ITGB8: variants seen among roughly 807,000 people sequenced by gnomAD.
ITGB8 encodes integrin subunit beta 8.
A neutral mutation model predicts 89.5 loss-of-function variants in ITGB8; 30 were observed. The observed-to-expected ratio is 0.34, with a 90% CI of 0.25 to 0.45. ITGB8 has a LOEUF of 0.45. Among genes scored for constraint, ITGB8 ranks in the 20% least tolerant of loss-of-function variants. The pLI is 1.00. For synonymous variants in ITGB8, 335 were observed against 320.4 expected, an observed-to-expected ratio of 1.05 and a Z score of -0.49; for missense variants, 836 against 933.3, an observed-to-expected ratio of 0.90 and a Z score of 1.36.
intron 3 of ITGB8, among the ~76,000 whole-genome samples, chr7:20,371,323 C>A (rs1404359644): frequency 1.3e-5 from 2 of 151,922 alleles, no homozygotes; most frequent in African/African-American, 4.8e-5. Flanking sequence ...AAAGATAAAG[C>A]AAAATTATCA....
chr7:20,363,879 T>C (rs1302402639), intron 2 of ITGB8, among the ~76,000 whole-genome samples, 157 bp downstream of exon 2: 2 of 152,220 alleles, frequency 1.3e-5, no homozygotes, highest in African/African-American at 4.8e-5. Context: ...GGAAACAGCA[T>C]ATCTGGCTGA....
chr7:20,394,767 G>A lies in ITGB8; in HGVS notation c.1057-129G>A, dbSNP rs776519957. Reference sequence around the variant, plus strand: ...ACTAGGTTGCTTATATTTTTCTTGTGTCTTATAGGTTTTCATTCATTTAAT... The same window carrying A: ...ACTAGGTTGCTTATATTTTTCTTGTATCTTATAGGTTTTCATTCATTTAAT... On this transcript the variant is annotated intron_variant, in intron 7 of 13. Coordinates refer to ENST00000222573, the MANE Select transcript of ITGB8 (RefSeq NM_002214.3). 18 of 661,126 alleles carry A rather than the reference G, an allele frequency of 2.7e-5. No individual in the cohort carries two copies. The Middle Eastern group carries it at 3.1e-3, about 113-fold the overall frequency. 41.0% of individuals were successfully genotyped at this position (661,126 alleles called of 1,614,324 possible). A position where few individuals can be genotyped will look rare whatever the true frequency, so the allele number is the denominator to read the frequency against.
At chr7:20,393,478 G>T (rs1786946380) in intron 7 of ITGB8, among the ~76,000 whole-genome samples, 1 of 152,124 alleles carries the variant, frequency 6.6e-6, no homozygotes, top group African/African-American at 2.4e-5. Context: ...CCATCTGGCT[G>T]CCAGAGTGAT....
intron 12 of ITGB8, among the ~76,000 whole-genome samples, chr7:20,406,424 C>T (rs989817559): frequency 2.6e-5 from 4 of 152,014 alleles, no homozygotes; most frequent in South Asian, 2.1e-4. Context: ...GTGGCGGGCA[C>T]CTGTAGTCCC....
At chr7:20,398,578 G>C (rs1368233944) in intron 8 of ITGB8, among the ~76,000 whole-genome samples, 1 of 152,128 alleles carries the variant, frequency 6.6e-6, no homozygotes, top group Non-Finnish European at 1.5e-5. Flanking sequence ...TTTGTTAACA[G>C]ACTGATAAAT....
intron 1 of ITGB8, among the ~76,000 whole-genome samples, chr7:20,338,854 CAT>C (rs1784659730): frequency 6.6e-6 from 1 of 152,108 alleles, no homozygotes; most frequent in Admixed American, 6.5e-5. Context: ...CAAATGTATG[CAT>C]AGTCTTAATT....
chr7:20,402,028 A>G lies in ITGB8; in HGVS notation c.1589A>G (p.Lys530Arg). ...CSGRGVCVCG[K>R]CSCHKIKLGK... ...GGTCGAGGAGTTTGTGTTTGTGGGA[A>G]ATGTTCATGTCACAAAATTAAGCTT... The change falls in exon 10 of 14, where the codon AAA (lysine) becomes AGA (arginine). Residue 530 changes from lysine to arginine, a missense_variant. Transcript: ENST00000222573. 6.2e-7 allele frequency: 1 copy of G among 1,614,172 alleles called. No individual in the cohort carries two copies. The highest frequency in any genetic ancestry group is 1.3e-5 in the African/African-American group (1 of 75,056).
chr7:20,388,802 A>G (rs1786737144), intron 6 of ITGB8, among the ~76,000 whole-genome samples: 1 of 151,904 alleles, frequency 6.6e-6, no homozygotes, highest in Admixed American at 6.6e-5. Context: ...CCAACCCCTG[A>G]CAGGCCCTGG....
chr7:20,372,522 CTTGAG>C (rs1464399634), intron 3 of ITGB8, among the ~76,000 whole-genome samples: 2 of 151,712 alleles, frequency 1.3e-5, no homozygotes, highest in African/African-American at 4.8e-5. Flanking sequence ...ACTGGGATGT[CTTGAG>C]TTGAGAGAGA....
intron 7 of ITGB8, among the ~76,000 whole-genome samples, chr7:20,393,277 A>G (rs552992051): frequency 6.6e-6 from 1 of 152,338 alleles, no homozygotes; most frequent in African/African-American, 2.4e-5. Flanking sequence ...TTAACTGATA[A>G]ACCATAAAAC....
rs985106588 is a variant in ITGB8, at chr7:20,332,312, A to G, written c.127+379A>G. Among the ~76,000 whole-genome samples, 3 of 152,202 alleles carry G rather than the reference A, an allele frequency of 2.0e-5. No homozygotes were observed. The East Asian group carries it at 5.8e-4, about 29-fold the overall frequency. On this transcript the variant is annotated intron_variant, in intron 1 of 13. Transcript: ENST00000222573. ...CCCTATCTTTCTAACATTTGGGTCCACTAAGGACTAACTTGCCTTTAACTC... is the reference window on the plus strand; with the variant it reads ...CCCTATCTTTCTAACATTTGGGTCCGCTAAGGACTAACTTGCCTTTAACTC...
At chr7:20,332,058 G>C in intron 1 of ITGB8, 125 bp downstream of exon 1, 2 of 1,469,548 alleles carry the variant, frequency 1.4e-6, no homozygotes, top group East Asian at 5.0e-5. Flanking sequence ...TCAAGGGGGC[G>C]GGTGCGGGGC....
chr7:20,336,490 G>A (rs1052907630), intron 1 of ITGB8, among the ~76,000 whole-genome samples: 2 of 152,208 alleles, frequency 1.3e-5, no homozygotes, highest in African/African-American at 4.8e-5. Flanking sequence ...CACACTGTGA[G>A]AGAGGTCCCT....
In ITGB8 at chr7:20,379,074, A is replaced by C. The variant is rs763080294; in HGVS notation, c.412A>C (p.Lys138Gln). The C allele has an allele frequency of 1.3e-6, 2 of 1,587,310 alleles. No individual in the cohort carries two copies. The highest frequency in any genetic ancestry group is 2.3e-5 in the East Asian group (1 of 43,962). Reference sequence around the variant, plus strand: ...AGGAGCCGAAGCTAATTTTATGCTGAAAGTTCATCCTCTGAAGAAATATCC... The same window carrying C: ...AGGAGCCGAAGCTAATTTTATGCTGCAAGTTCATCCTCTGAAGAAATATCC... ...RPGAEANFMLKVHPLKKYPVD... is the reference protein window; with the variant it reads ...RPGAEANFMLQVHPLKKYPVD... The change falls in exon 4 of 14, where the codon AAA (lysine) becomes CAA (glutamine). Residue 138 changes from lysine (K) to glutamine (Q), a missense_variant. Coordinates refer to ENST00000222573, the MANE Select transcript of ITGB8 (RefSeq NM_002214.3).
At chr7:20,346,755 C>T in intron 1 of ITGB8, 2 of 985,140 alleles carry the variant, frequency 2.0e-6, no homozygotes, top group Non-Finnish European at 2.4e-6. Context: ...TATATAACAC[C>T]TGACGATTAT....
chr7:20,352,752 G>C (rs1312173030), intron 1 of ITGB8: 1 of 152,166 alleles, frequency 6.6e-6, no homozygotes, highest in African/African-American at 2.4e-5. Context: ...AACAACACCA[G>C]AATACTCTGT....
intron 6 of ITGB8, among the ~76,000 whole-genome samples, chr7:20,389,444 G>A (rs1203735027): frequency 6.6e-6 from 1 of 152,082 alleles, no homozygotes; most frequent in Admixed American, 6.6e-5. Context: ...ATGTACATTT[G>A]GTCAAAGTGA....
chr7:20,372,197 A>AT (rs765902304), intron 3 of ITGB8, among the ~76,000 whole-genome samples: 3 of 152,226 alleles, frequency 2.0e-5, no homozygotes, highest in South Asian at 2.1e-4. Context: ...TATAAGTTGC[A>AT]TTTTTTCTAC....
chr7:20,388,608 G>A (rs987453156), intron 6 of ITGB8, among the ~76,000 whole-genome samples: 3 of 151,920 alleles, frequency 2.0e-5, no homozygotes, highest in Admixed American at 6.6e-5. Flanking sequence ...ATCTGTTTTT[G>A]TAGGCTTGAA....
Sources: gnomAD v4.1 joint callset for allele counts (sites outside exome capture counted in the v4.1 genomes callset) on GRCh38, gnomAD v4.1.1 for gene constraint, MANE v1.5 for transcripts, NCBI Gene and HGNC (gene_info 2026-07-23, HGNC 2026-07-21) for gene names.